The following NDFIP2 variants were observed in gnomAD, a reference collection of about 807,000 sequenced individuals.
NDFIP2 encodes the protein NEDD4 family-interacting protein 2.
NDFIP2 carries 19 observed loss-of-function variants against 36.0 expected under a neutral mutation model. The ratio of observed to expected loss-of-function variants is 0.53; its 90% CI spans 0.37 to 0.77. The LOEUF (loss-of-function observed/expected upper bound fraction) is 0.77. Ranked by LOEUF, NDFIP2 falls within the 30% of genes least tolerant of loss-of-function variation. The pLI is 0.00. For synonymous variants in NDFIP2, 181 were observed against 167.7 expected, an observed-to-expected ratio of 1.08 and a Z score of -0.61; for missense variants, 446 against 435.8, an observed-to-expected ratio of 1.02 and a Z score of -0.21.
In NDFIP2 at chr13:79,551,014, C is replaced by T. The variant is rs981857282; in HGVS notation, c.908-3C>T. On this transcript the variant is annotated splice_polypyrimidine_tract_variant and splice_region_variant and intron_variant, in intron 6 of 7. Coordinates refer to ENST00000218652, the MANE Select transcript of NDFIP2 (RefSeq NM_019080.3). ...TATATCCATATTATTTCAACCTTCT[C>T]AGGCCTGCTCCTTTTCTTCAGAGGA... The T allele has an allele frequency of 1.3e-6, 2 of 1,579,312 alleles. No homozygotes were observed. Among genetic ancestry groups the T allele is most frequent in the Non-Finnish European group, 1.7e-6 (2 of 1,158,912 alleles).
intron 1 of NDFIP2, among the ~76,000 whole-genome samples, chr13:79,515,993 T>G (rs555743149): frequency 1.3e-5 from 2 of 151,978 alleles, no homozygotes; most frequent in South Asian, 4.2e-4. Context: ...TGTCATCTGC[T>G]CTAATATTCC....
rs1395560645 is a variant in NDFIP2, at chr13:79,555,310, G to C, written c.*2797G>C. 2.0e-5 allele frequency: 3 copies of C among 149,664 alleles called. No homozygotes were observed. The highest frequency in any genetic ancestry group is 7.4e-5 in the African/African-American group (3 of 40,562). 9.3% of individuals were successfully genotyped at this position (149,664 alleles called of 1,614,324 possible). On this transcript the variant is annotated 3_prime_UTR_variant, in exon 8 of 8. Transcript: ENST00000218652. Reference sequence around the variant, plus strand: ...TGAATGTGATACCATACTTAACTAAGGTAATATATATCCTTAGTTTGCTCA... The same window carrying C: ...TGAATGTGATACCATACTTAACTAACGTAATATATATCCTTAGTTTGCTCA...
At chr13:79,520,227 A>G (rs1193071157) in intron 1 of NDFIP2, among the ~76,000 whole-genome samples, 1 of 152,022 alleles carries the variant, frequency 6.6e-6, no homozygotes, top group Non-Finnish European at 1.5e-5. Flanking sequence ...AGATTCACAC[A>G]TTTTTTCAGG....
At chr13:79,503,455 A>G (rs1170859305) in intron 1 of NDFIP2, among the ~76,000 whole-genome samples, 1 of 152,196 alleles carries the variant, frequency 6.6e-6, no homozygotes, top group Admixed American at 6.5e-5. Flanking sequence ...TACATAGGAT[A>G]GAAGGTAAAA....
chr13:79,555,108 C>T lies in NDFIP2; in HGVS notation c.*2595C>T, dbSNP rs1191163031. On this transcript the variant is annotated 3_prime_UTR_variant, in exon 8 of 8. Coordinates refer to ENST00000218652, the MANE Select transcript of NDFIP2 (RefSeq NM_019080.3). ...ATATATTTCATTTTAGACATGCCTT[C>T]TAAGTTGTTCACAGATTTTTACCTG... is the stretch of plus-strand genomic sequence containing the variant. 1 of 151,412 alleles carries T rather than the reference C, an allele frequency of 6.6e-6. No individual in the cohort carries two copies. The highest frequency in any genetic ancestry group is 1.5e-5 in the Non-Finnish European group (1 of 67,736). The allele number at this position is 151,412 out of a possible 1,614,324, so 9.4% of individuals were successfully genotyped here. A position where few individuals can be genotyped will look rare whatever the true frequency, so the allele number is the denominator to read the frequency against.
At chr13:79,545,996 A>G (rs1875658453) in intron 5 of NDFIP2, among the ~76,000 whole-genome samples, 1 of 152,132 alleles carries the variant, frequency 6.6e-6, no homozygotes, top group Non-Finnish European at 1.5e-5. Context: ...CCAAAGTGCT[A>G]GGATTACAGG....
intron 1 of NDFIP2, among the ~76,000 whole-genome samples, chr13:79,516,038 CTATT>C (rs1649814858): frequency 6.6e-6 from 1 of 151,394 alleles, no homozygotes; most frequent in Non-Finnish European, 1.5e-5. Flanking sequence ...TATAGATTGA[CTATT>C]TAATTTTACA....
intron 2 of NDFIP2, 47 bp downstream of exon 2, chr13:79,521,022 A>T (rs58406632): frequency 0.031 from 44,215 of 1,434,022 alleles, 1,518 homozygotes; most frequent in African/African-American, 0.18. Flanking sequence ...TTTTTTTTTG[A>T]CATTTTGGTT....
chr13:79,544,161 A>T (rs73553439), intron 5 of NDFIP2, among the ~76,000 whole-genome samples: 3,295 of 152,292 alleles, frequency 0.022, 118 homozygotes, highest in African/African-American at 0.071. Context: ...GTTTAGTCAC[A>T]TTATCATGAC....
At chr13:79,495,677 G>A (rs1043046295) in intron 1 of NDFIP2, among the ~76,000 whole-genome samples, 4 of 151,754 alleles carry the variant, frequency 2.6e-5, no homozygotes, top group Middle Eastern at 3.2e-3. Context: ...CCTTCTCATT[G>A]GAGTGTTTGC....
chr13:79,531,346 G>A (rs1265148925), intron 2 of NDFIP2, among the ~76,000 whole-genome samples: 2 of 152,168 alleles, frequency 1.3e-5, no homozygotes, highest in Non-Finnish European at 2.9e-5. Flanking sequence ...TCTTCAGAAT[G>A]GTAAATGAGC....
intron 2 of NDFIP2, among the ~76,000 whole-genome samples, chr13:79,530,992 G>T (rs2137098243): frequency 6.6e-6 from 1 of 152,196 alleles, no homozygotes; most frequent in African/African-American, 2.4e-5. Flanking sequence ...ATCCATCAGA[G>T]AAATCACTAT....
intron 2 of NDFIP2, among the ~76,000 whole-genome samples, chr13:79,528,730 C>G (rs1744205387): frequency 6.6e-6 from 1 of 151,936 alleles, no homozygotes; most frequent in Non-Finnish European, 1.5e-5. Context: ...CTAGAGTATT[C>G]AGTACAGTAA....
At chr13:79,520,680 C>A in intron 1 of NDFIP2, 130 bp from the exon 2 acceptor site, 1 of 753,528 alleles carries the variant, frequency 1.3e-6, no homozygotes, top group Non-Finnish European at 1.9e-6. Flanking sequence ...ATTTTGTATA[C>A]TATCTAAAAA....
chr13:79,525,854 G>A lies in NDFIP2; in HGVS notation c.487+4879G>A, dbSNP rs148775421. ...AAACCGTGCATAAGGCAGAACTATTGTATATGGTTTTTCTCTTTTAATTTT... is the reference window on the plus strand; with the variant it reads ...AAACCGTGCATAAGGCAGAACTATTATATATGGTTTTTCTCTTTTAATTTT... On this transcript the variant is annotated intron_variant, in intron 2 of 7. Coordinates refer to ENST00000218652, the MANE Select transcript of NDFIP2 (RefSeq NM_019080.3). 2.3e-4 allele frequency among the ~76,000 whole-genome samples: 35 copies of A among 152,314 alleles called. 1 individual carries two copies. In the East Asian group the frequency reaches 6.6e-3, roughly 29 times the overall value.
chr13:79,512,973 A>C (rs1874136390), intron 1 of NDFIP2, among the ~76,000 whole-genome samples: 1 of 152,226 alleles, frequency 6.6e-6, no homozygotes, highest in African/African-American at 2.4e-5. Flanking sequence ...TCATTTTATT[A>C]AAACATAATT....
Position 79,533,378 on chromosome 13 carries a change from C to T in NDFIP2, c.543C>T (p.Thr181=), listed in dbSNP as rs750620949. 43 of 1,611,862 alleles carry T rather than the reference C, an allele frequency of 2.7e-5. No individual in the cohort carries two copies. The highest frequency in any genetic ancestry group is 3.6e-5 in the Non-Finnish European group (42 of 1,178,654). ...YPVPPPYSVA[T]SLPTYDEAEK... is the part of the protein sequence containing the mutation. ...TGCCACCTCCCTATAGCGTTGCTAC[C>T]TCTCTTCCTACATACGATGAAGCTG... Residue 181 remains threonine, a synonymous_variant, in exon 3 of 8, where the codon ACC becomes ACT. Coordinates refer to ENST00000218652, the MANE Select transcript of NDFIP2 (RefSeq NM_019080.3).
intron 1 of NDFIP2, among the ~76,000 whole-genome samples, chr13:79,516,577 C>T (rs1014415217): frequency 6.6e-6 from 1 of 152,022 alleles, no homozygotes; most frequent in Non-Finnish European, 1.5e-5. Context: ...CTGGATCTGC[C>T]CTCTGATGCT....
chr13:79,538,178 C>T (rs906821895), intron 3 of NDFIP2, among the ~76,000 whole-genome samples: 6 of 152,130 alleles, frequency 3.9e-5, no homozygotes, highest in Admixed American at 3.9e-4. Context: ...CCCCATGATC[C>T]GATCACCTCC....
Sources: allele counts gnomAD v4.1 joint callset (sites outside exome capture counted in the v4.1 genomes callset), GRCh38; gene constraint gnomAD v4.1.1; transcripts MANE v1.5; gene names NCBI Gene and HGNC (gene_info 2026-07-23, HGNC 2026-07-21).